TRHDE: variants seen among roughly 807,000 people sequenced by gnomAD.
TRHDE encodes thyrotropin releasing hormone degrading enzyme, also known as thyrotropin-releasing hormone-degrading ectoenzyme.
TRHDE carries 72 observed loss-of-function variants against 125.7 expected under a neutral mutation model. The observed-to-expected ratio is 0.57, with a 90% CI of 0.47 to 0.70. TRHDE has a LOEUF of 0.70. Among genes scored for constraint, TRHDE ranks in the 30% least tolerant of loss-of-function variants. The pLI is 0.00. For missense variants in TRHDE, 1,110 were observed against 1,327.1 expected (o/e 0.84, Z 2.54); for synonymous variants, 509 against 509.1 (o/e 1.00, Z 0.00).
At chr12:72,425,633 A>T (rs903432903) in intron 3 of TRHDE, among the ~76,000 whole-genome samples, 2 of 152,010 alleles carry the variant, frequency 1.3e-5, no homozygotes, top group African/African-American at 4.8e-5. Context: ...CTCTCATCTC[A>T]ATTCTAAGTA....
intron 2 of TRHDE, among the ~76,000 whole-genome samples, chr12:72,157,996 G>A (rs899311324): frequency 1.3e-5 from 2 of 152,122 alleles, no homozygotes; most frequent in Non-Finnish European, 2.9e-5. Context: ...GAGTATTTGA[G>A]GGAAAAGGGC....
intron 2 of TRHDE, among the ~76,000 whole-genome samples, chr12:72,187,450 G>GGTGGTGGTGGTGGTGGTGGTTGTGGTC (rs1199785547): frequency 9.6e-5 from 14 of 145,818 alleles, no homozygotes; most frequent in Non-Finnish European, 2.0e-4. Flanking sequence ...TGGGGGGGGT[G>GGTGGTGGTGGTGGTGGTGGTTGTGGTC]GTGGTGGTGG....
chr12:72,619,169 T>A, intron 13 of TRHDE, 131 bp downstream of exon 13: 1 of 628,078 alleles, frequency 1.6e-6, no homozygotes, highest in Non-Finnish European at 2.4e-6. Context: ...CCGATTTTTG[T>A]CCTGATTGTC....
chr12:72,601,775 T>C (rs562535300), intron 12 of TRHDE, among the ~76,000 whole-genome samples: 17 of 152,194 alleles, frequency 1.1e-4, no homozygotes, highest in Non-Finnish European at 2.2e-4. Context: ...ACATTCTTTC[T>C]TTAGATATAA....
At chr12:72,242,814 C>T (rs568217941) in intron 2 of TRHDE, among the ~76,000 whole-genome samples, 5 of 152,222 alleles carry the variant, frequency 3.3e-5, no homozygotes, top group East Asian at 1.9e-4. Context: ...TTTTTATTAC[C>T]GCATTCAATG....
At chr12:72,518,232 G>A (rs889465900) in intron 6 of TRHDE, among the ~76,000 whole-genome samples, 22 of 147,652 alleles carry the variant, frequency 1.5e-4, no homozygotes, top group Middle Eastern at 3.4e-3. Flanking sequence ...TCTGTCTAAT[G>A]TTGACAGTGG....
intron 2 of TRHDE, among the ~76,000 whole-genome samples, chr12:72,177,066 A>G (rs528283870): frequency 6.6e-6 from 1 of 152,242 alleles, no homozygotes; most frequent in Non-Finnish European, 1.5e-5. Context: ...GACTGGCCTT[A>G]GTCCAGGTCT....
At chr12:72,254,169 A>G (rs1235069862) in intron 2 of TRHDE, 3 of 152,030 alleles carry the variant, frequency 2.0e-5, no homozygotes, top group African/African-American at 7.2e-5. Flanking sequence ...CTGCATAATA[A>G]TACTTCTTCA....
At position 72,410,866 on chromosome 12, in the gene TRHDE, C is replaced by A. The variant is rs575828439; in HGVS notation, c.1315+32745C>A. 4.2e-4 allele frequency among the ~76,000 whole-genome samples: 61 copies of A among 144,500 alleles called. 1 individual carries two copies. Among genetic ancestry groups the A allele is most frequent in the African/African-American group, 1.5e-3 (57 of 38,480 alleles). 94.8% of individuals were successfully genotyped at this position (144,500 alleles called of 152,430 possible). ...GGAAGCCTGACCCAAATAAGATAAG[C>A]AGATAAAAAAAAAAAAAAAGATTTG... On this transcript the variant is annotated intron_variant, in intron 3 of 18. Coordinates refer to ENST00000261180, the MANE Select transcript of TRHDE (RefSeq NM_013381.3).
chr12:72,088,928 A>G (rs1874728712), intron 1 of TRHDE, among the ~76,000 whole-genome samples: 2 of 152,128 alleles, frequency 1.3e-5, no homozygotes, highest in Non-Finnish European at 2.9e-5. Flanking sequence ...CCTTTCTTCC[A>G]AACTTCAGAC....
chr12:72,221,221 A>G (rs539259183), intron 2 of TRHDE, among the ~76,000 whole-genome samples: 29 of 152,180 alleles, frequency 1.9e-4, no homozygotes, highest in Non-Finnish European at 4.1e-4. Flanking sequence ...TTTTTGGGGA[A>G]AAATGATACA....
chr12:72,216,848 T>G (rs1352727269), intron 2 of TRHDE, among the ~76,000 whole-genome samples: 1 of 152,166 alleles, frequency 6.6e-6, no homozygotes, highest in Admixed American at 6.6e-5. Flanking sequence ...TGGAAAAAAT[T>G]TACATAAATT....
chr12:72,192,064 C>G (rs1385448431), intron 2 of TRHDE, among the ~76,000 whole-genome samples: 5 of 152,090 alleles, frequency 3.3e-5, no homozygotes, highest in African/African-American at 1.2e-4. Flanking sequence ...GACCTCCTTT[C>G]CTCATCATTA....
intron 3 of TRHDE, among the ~76,000 whole-genome samples, chr12:72,454,691 A>G (rs1225635741): frequency 6.6e-6 from 1 of 152,174 alleles, no homozygotes; most frequent in East Asian, 1.9e-4. Context: ...CCCAAACTTT[A>G]ATGTACATAT....
At chr12:72,444,750 C>T (rs763282227) in intron 3 of TRHDE, among the ~76,000 whole-genome samples, 4 of 151,714 alleles carry the variant, frequency 2.6e-5, no homozygotes, top group Non-Finnish European at 2.9e-5. Flanking sequence ...AGCTGGAGAG[C>T]GAGCCACTTG....
At chr12:72,095,001 T>C (rs1874879326) in intron 1 of TRHDE, among the ~76,000 whole-genome samples, 1 of 152,262 alleles carries the variant, frequency 6.6e-6, no homozygotes, top group Non-Finnish European at 1.5e-5. Flanking sequence ...ACATTATTGC[T>C]CTAAATTCTT....
intron 2 of TRHDE, among the ~76,000 whole-genome samples, chr12:72,292,392 T>A (rs1309764098): frequency 6.6e-6 from 1 of 152,250 alleles, no homozygotes; most frequent in African/African-American, 2.4e-5. Context: ...GTCCTGGCTC[T>A]TTTATATTTC....
chr12:72,131,133 G>A (rs2139307887), intron 2 of TRHDE, among the ~76,000 whole-genome samples: 1 of 144,356 alleles, frequency 6.9e-6, no homozygotes, highest in Non-Finnish European at 1.5e-5. Flanking sequence ...GTGCAGTGGC[G>A]CGATTTCGAC....
chr12:72,548,093 T>A (rs755537808), intron 7 of TRHDE, among the ~76,000 whole-genome samples: 3 of 151,794 alleles, frequency 2.0e-5, no homozygotes, highest in Non-Finnish European at 4.4e-5. Context: ...TAGTGTAACA[T>A]TGGGGTGGAA....
Sources: allele counts gnomAD v4.1 joint callset (sites outside exome capture counted in the v4.1 genomes callset), GRCh38; gene constraint gnomAD v4.1.1; transcripts MANE v1.5; gene names NCBI Gene and HGNC (gene_info 2026-07-23, HGNC 2026-07-21).